SCNN1A: variants seen among roughly 807,000 people sequenced by gnomAD.
SCNN1A encodes the protein epithelial sodium channel subunit alpha.
In SCNN1A, 65 loss-of-function variants were observed where a neutral mutation model predicts 68.6. The observed-to-expected ratio is 0.95, with a 90% CI of 0.78 to 1.16. The LOEUF (loss-of-function observed/expected upper bound fraction) is 1.16. Among genes scored for constraint, SCNN1A ranks in the 50% most tolerant of loss-of-function variants. The pLI is 0.00. For missense variants in SCNN1A, 880 were observed against 865.9 expected (o/e 1.02, Z -0.20); for synonymous variants, 357 against 353.3 (o/e 1.01, Z -0.12).
At chr12:6,363,837 G>A in intron 2 of SCNN1A, 127 bp from the exon 3 acceptor site, 1 of 896,132 alleles carries the variant, frequency 1.1e-6, no homozygotes, top group South Asian at 2.1e-5. Context: ...GGCGGGGCTG[G>A]GGTCGTCGTG....
At chr12:6,365,975 C>T (rs912631476) in intron 2 of SCNN1A, among the ~76,000 whole-genome samples, 7 of 145,204 alleles carry the variant, frequency 4.8e-5, no homozygotes, top group African/African-American at 1.7e-4. Flanking sequence ...CTGCCTCAGC[C>T]TCCCTAGTAG....
At chr12:6,362,638 CCT>C (rs1948599473) in intron 3 of SCNN1A, among the ~76,000 whole-genome samples, 2 of 151,946 alleles carry the variant, frequency 1.3e-5, no homozygotes, top group Non-Finnish European at 2.9e-5. Flanking sequence ...TGGGAACTTC[CCT>C]GTCTCCTTTC....
At chr12:6,373,290 C>T in intron 2 of SCNN1A, among the ~76,000 whole-genome samples, 1 of 152,064 alleles carries the variant, frequency 6.6e-6, no homozygotes, top group East Asian at 1.9e-4. Context: ...CACACACACA[C>T]TCACACCCAC....
chr12:6,349,197 A>G lies in SCNN1A; in HGVS notation c.1464T>C (p.Ala488=). 1 of 1,614,176 alleles carries G rather than the reference A, an allele frequency of 6.2e-7. No individual in the cohort carries two copies. The highest frequency in any genetic ancestry group is 1.1e-5 in the South Asian group (1 of 91,084). ...TCACCGAGGGCCATCGTGAGTAACC[A>G]GCAGAGAGCTGGTAGCTGGTCACGC... ...PCSVTSYQLS[A]GYSRWPSVTS... Residue 488 remains alanine, a synonymous_variant, in exon 10 of 13, where the codon GCT becomes GCC. Transcript: ENST00000228916.
chr12:6,367,414 A>C (rs1278702603), intron 2 of SCNN1A, among the ~76,000 whole-genome samples: 1 of 152,230 alleles, frequency 6.6e-6, no homozygotes, highest in African/African-American at 2.4e-5. Flanking sequence ...GCAGCCCCTC[A>C]ACCAGAATAG....
chr12:6,375,284 C>T, intron 1 of SCNN1A: 1 of 1,438,932 alleles, frequency 6.9e-7, no homozygotes, highest in Non-Finnish European at 9.1e-7. Context: ...AATCCTGCCT[C>T]TCTTCCTCTC....
intron 8 of SCNN1A, among the ~76,000 whole-genome samples, chr12:6,350,781 T>C (rs1948373250): frequency 6.6e-6 from 1 of 151,960 alleles, no homozygotes; most frequent in South Asian, 2.1e-4. Context: ...AGGTTGTAGT[T>C]TGCCAAGATC....
Position 6,348,001 on chromosome 12 carries a change from G to T in SCNN1A, c.1882C>A (p.Gln628Lys). 1 of 1,583,358 alleles carries T rather than the reference G, an allele frequency of 6.3e-7. No individual in the cohort carries two copies. Among genetic ancestry groups the T allele is most frequent in the African/African-American group, 1.3e-5 (1 of 74,184 alleles). ...CPHPMSLSLS[Q>K]PGPAPSPALT... ...GCTGGAGAGGGAGCAGGGCCTGGCT[G>T]GGACAAGGACAGAGACATGGGGTGG... Residue 628 changes from glutamine to lysine, a missense_variant, in exon 13 of 13, where the codon CAG (glutamine) becomes AAG (lysine). By Grantham distance (53) the Gln-to-Lys change is moderately conservative. This residue lies in a region of SCNN1A where 758 missense variants were observed against 721.8 expected (regional missense o/e 1.05). Coordinates refer to ENST00000228916, the MANE Select transcript of SCNN1A (RefSeq NM_001038.6).
intron 8 of SCNN1A, among the ~76,000 whole-genome samples, chr12:6,350,395 GCA>G (rs1283626234): frequency 1.3e-5 from 2 of 148,650 alleles, no homozygotes; most frequent in Non-Finnish European, 1.5e-5. Flanking sequence ...TCGCGCCATT[GCA>G]CACTCTAGCC....
chr12:6,361,711 C>G (rs903952256), intron 4 of SCNN1A, among the ~76,000 whole-genome samples: 1 of 152,166 alleles, frequency 6.6e-6, no homozygotes, highest in Admixed American at 6.5e-5. Context: ...CCATTGCACT[C>G]CAGCCTGAGC....
In SCNN1A at chr12:6,372,056, C is replaced by A. The variant is rs553057387; in HGVS notation, c.416+2312G>T. ...CAAGTGAGGGGCTCTTTTAAACAACCTTGTTTGAGCTCCATCCCAGATCCC... is the reference window on the plus strand; with the variant it reads ...CAAGTGAGGGGCTCTTTTAAACAACATTGTTTGAGCTCCATCCCAGATCCC... On this transcript the variant is annotated intron_variant, in intron 2 of 12. Transcript: ENST00000228916. The surrounding 1 kb of genome is among the most constrained non-coding windows in gnomAD (Gnocchi z 5.8). 3.5e-4 allele frequency among the ~76,000 whole-genome samples: 53 copies of A among 152,276 alleles called. No homozygotes were observed. Among genetic ancestry groups the A allele is most frequent in the African/African-American group, 1.2e-3 (49 of 41,560 alleles).
At chr12:6,350,248 C>T (rs1165719417) in intron 8 of SCNN1A, among the ~76,000 whole-genome samples, 6 of 147,794 alleles carry the variant, frequency 4.1e-5, no homozygotes, top group African/African-American at 7.4e-5. Context: ...CTGGCTAACA[C>T]GGTGAAACCC....
At position 6,374,902 on chromosome 12, in the gene SCNN1A, T is replaced by C; in HGVS notation, c.-54-65A>G. On this transcript the variant is annotated intron_variant, in intron 1 of 12. Coordinates refer to ENST00000228916, the MANE Select transcript of SCNN1A (RefSeq NM_001038.6). The surrounding 1 kb of genome is among the most constrained non-coding windows in gnomAD (Gnocchi z 6.2). ...AGGGTCAAGGCTGAGCTCTGGGCCC[T>C]GAGTGCCCTCTCCCATCACCCCTGG... The C allele has an allele frequency of 6.2e-7, 1 of 1,611,598 alleles. No homozygotes were observed. Among genetic ancestry groups the C allele is most frequent in the Non-Finnish European group, 8.5e-7 (1 of 1,178,848 alleles).
chr12:6,363,840 T>TCGTCGTGGCG, intron 2 of SCNN1A, 130 bp from the exon 3 acceptor site: 1 of 850,800 alleles, frequency 1.2e-6, no homozygotes, highest in Non-Finnish European at 1.7e-6. Context: ...GGGGCTGGGG[T>TCGTCGTGGCG]CGTCGTGGCG....
chr12:6,362,230 G>A lies in SCNN1A; in HGVS notation c.696C>T (p.Asn232=), dbSNP rs1244122158. The change falls in exon 4 of 13, where the codon AAC becomes AAT. Residue 232 remains asparagine, a synonymous_variant. Coordinates refer to ENST00000228916, the MANE Select transcript of SCNN1A (RefSeq NM_001038.6). ...WKIGFQLCNQ[N]KSDCFYQTYS... ...ATGTCTGGTAGAAGCAGTCCGATTT[G>A]TTCTGGTTGCACTGGACACAGAGAC... is the stretch of plus-strand genomic sequence containing the variant. 1 of 1,614,178 alleles carries A rather than the reference G, an allele frequency of 6.2e-7. No individual in the cohort carries two copies. The highest frequency in any genetic ancestry group is 8.5e-7 in the Non-Finnish European group (1 of 1,179,986).
At chr12:6,369,510 G>A (rs1425617062) in intron 2 of SCNN1A, among the ~76,000 whole-genome samples, 1 of 152,088 alleles carries the variant, frequency 6.6e-6, no homozygotes, top group Admixed American at 6.6e-5. Flanking sequence ...TCTCCCAAAA[G>A]GTCTACTGCT....
In SCNN1A at chr12:6,348,024, T is replaced by C; in HGVS notation, c.1859A>G (p.His620Arg). The change falls in exon 13 of 13, where the codon CAC (histidine) becomes CGC (arginine). Residue 620 changes from histidine (H) to arginine (R), a missense_variant. This residue lies in a region of SCNN1A where 758 missense variants were observed against 721.8 expected (regional missense o/e 1.05). Coordinates refer to ENST00000228916, the MANE Select transcript of SCNN1A (RefSeq NM_001038.6). The part of the protein sequence containing the change: ...ASSPPSHFCP[H>R]PMSLSLSQPG... ...CTGGGACAAGGACAGAGACATGGGG[T>C]GGGGGCAGAAGTGGGAAGGAGGGGA... 2 of 1,598,298 alleles carry C rather than the reference T, an allele frequency of 1.3e-6. No homozygotes were observed. The highest frequency in any genetic ancestry group is 1.7e-6 in the Non-Finnish European group (2 of 1,172,314).
chr12:6,363,297 C>T, intron 3 of SCNN1A, 146 bp downstream of exon 3: 1 of 499,064 alleles, frequency 2.0e-6, no homozygotes, highest in Non-Finnish European at 3.3e-6. Flanking sequence ...TATTTATTTA[C>T]TTTTTTTTTT....
intron 2 of SCNN1A, 123 bp from the exon 3 acceptor site, chr12:6,363,833 G>GC (rs1948627326): frequency 1.0e-6 from 1 of 968,472 alleles, no homozygotes; most frequent in African/African-American, 1.7e-5. Context: ...CCTGGGCGGG[G>GC]CTGGGGTCGT....
Sources: gnomAD v4.1 joint callset for allele counts (sites outside exome capture counted in the v4.1 genomes callset) on GRCh38, gnomAD v4.1.1 for gene constraint, gnomAD v4.1.1 regional missense constraint, Gnocchi (gnomAD v3.1) non-coding constraint, MANE v1.5 for transcripts, NCBI Gene and HGNC (gene_info 2026-07-23, HGNC 2026-07-21) for gene names.